Variants in CSMD1 observed in about 807,000 individuals in gnomAD.
CSMD1 encodes CUB and sushi domain-containing protein 1.
Under a neutral mutation model 417.5 loss-of-function variants are expected in CSMD1, and 213 were observed. The observed-to-expected ratio is 0.51, with a 90% CI of 0.46 to 0.57. CSMD1 has a LOEUF of 0.57. Ranked by LOEUF, CSMD1 falls within the 20% of genes least tolerant of loss-of-function variation. The probability of loss-of-function intolerance (pLI) is 0.00; values close to 1 mark genes in which losing one functional copy is unlikely to be tolerated. For synonymous variants in CSMD1, 2,862 were observed against 1,736.8 expected (o/e 1.65, Z -16.11); for missense variants, 6,923 against 4,529.7 (o/e 1.53, Z -15.17).
chr8:4,539,308 T>G (rs1216583149), intron 2 of CSMD1, among the ~76,000 whole-genome samples: 1 of 152,206 alleles, frequency 6.6e-6, no homozygotes, highest in African/African-American at 2.4e-5. Flanking sequence ...AAAATATATC[T>G]TTTAAGACAT....
chr8:4,552,952 CTCTT>C (rs1797936454), intron 2 of CSMD1, among the ~76,000 whole-genome samples: 1 of 152,180 alleles, frequency 6.6e-6, no homozygotes, highest in Admixed American at 6.5e-5. Flanking sequence ...TCCCTCCCGT[CTCTT>C]TCTGCTCTCT....
At chr8:4,833,453 G>A (rs769273734) in intron 1 of CSMD1, among the ~76,000 whole-genome samples, 57 of 152,144 alleles carry the variant, frequency 3.7e-4, no homozygotes, top group Non-Finnish European at 7.2e-4. Context: ...CCTCTCACTA[G>A]GACCCTACCT....
At chr8:4,363,101 C>G (rs1448720329) in intron 3 of CSMD1, among the ~76,000 whole-genome samples, 3 of 152,042 alleles carry the variant, frequency 2.0e-5, no homozygotes, top group African/African-American at 7.2e-5. Flanking sequence ...ATCATAATAT[C>G]AGAGACTTCA....
intron 31 of CSMD1, among the ~76,000 whole-genome samples, chr8:3,205,229 G>C (rs1229920319): frequency 6.6e-6 from 1 of 152,202 alleles, no homozygotes; most frequent in African/African-American, 2.4e-5. Flanking sequence ...AAAGAACTAT[G>C]TTTGGGAAAC....
chr8:4,584,454 G>A (rs1030614875), intron 2 of CSMD1, among the ~76,000 whole-genome samples: 3 of 152,088 alleles, frequency 2.0e-5, no homozygotes, highest in Non-Finnish European at 4.4e-5. Flanking sequence ...AAAGCGACTA[G>A]CGTGGCCGCC....
intron 12 of CSMD1, among the ~76,000 whole-genome samples, chr8:3,439,211 C>G (rs1327332308): frequency 7.7e-6 from 1 of 130,534 alleles, no homozygotes; most frequent in East Asian, 2.2e-4. Context: ...TGTGGCTGTA[C>G]CATTACACAT....
chr8:4,070,342 T>C (rs938326369), intron 3 of CSMD1, among the ~76,000 whole-genome samples: 23 of 152,162 alleles, frequency 1.5e-4, no homozygotes, highest in South Asian at 8.3e-4. Context: ...TGTCTTCTTA[T>C]ATTAACCAAA....
At chr8:4,240,664 A>T (rs1348513910) in intron 3 of CSMD1, among the ~76,000 whole-genome samples, 1 of 151,886 alleles carries the variant, frequency 6.6e-6, no homozygotes, top group Non-Finnish European at 1.5e-5. Context: ...CCCCTTATAC[A>T]CTCCTGGCTC....
intron 3 of CSMD1, among the ~76,000 whole-genome samples, chr8:4,058,388 T>G: frequency 6.6e-6 from 1 of 152,152 alleles, no homozygotes; most frequent in East Asian, 1.9e-4. Context: ...TGATTTTGTA[T>G]CCTCAGACTT....
intron 4 of CSMD1, among the ~76,000 whole-genome samples, chr8:4,006,825 T>TC (rs1355450501): frequency 8.8e-5 from 12 of 136,670 alleles, no homozygotes; most frequent in African/African-American, 3.4e-4. Flanking sequence ...CTTTTCCTAT[T>TC]TTTTTTTTTT....
At chr8:3,142,395 T>C in intron 41 of CSMD1, 70 bp downstream of exon 41, 2 of 1,311,146 alleles carry the variant, frequency 1.5e-6, no homozygotes, top group Non-Finnish European at 2.2e-6. Flanking sequence ...GGGAGATTTA[T>C]ACTTAAATAC....
intron 7 of CSMD1, among the ~76,000 whole-genome samples, chr8:3,645,530 G>A (rs941270756): frequency 6.6e-6 from 1 of 152,200 alleles, no homozygotes; most frequent in Non-Finnish European, 1.5e-5. Context: ...TGTGTGGTCA[G>A]AGGTGAAGCT....
chr8:3,768,733 A>C (rs1041081479), intron 5 of CSMD1, among the ~76,000 whole-genome samples: 23 of 152,210 alleles, frequency 1.5e-4, no homozygotes, highest in African/African-American at 5.5e-4. Flanking sequence ...TAACACGCAA[A>C]CCAAACGGAT....
At chr8:4,540,257 G>C (rs2130509907) in intron 2 of CSMD1, among the ~76,000 whole-genome samples, 1 of 152,272 alleles carries the variant, frequency 6.6e-6, no homozygotes, top group African/African-American at 2.4e-5. Context: ...CCAGCAAGAA[G>C]TAAAATAAGG....
chr8:4,523,198 T>C (rs1803569124), intron 2 of CSMD1, among the ~76,000 whole-genome samples: 1 of 152,214 alleles, frequency 6.6e-6, no homozygotes, highest in African/African-American at 2.4e-5. Context: ...AGGTCCTTAA[T>C]ACTTGACATG....
chr8:3,972,188 T>G (rs1813136652), intron 5 of CSMD1, among the ~76,000 whole-genome samples: 1 of 152,076 alleles, frequency 6.6e-6, no homozygotes, highest in Non-Finnish European at 1.5e-5. Flanking sequence ...ACCATAGATG[T>G]GATTTCCTAT....
intron 1 of CSMD1, among the ~76,000 whole-genome samples, chr8:4,908,884 C>G (rs187028801): frequency 4.6e-5 from 7 of 152,196 alleles, no homozygotes; most frequent in African/African-American, 1.7e-4. Context: ...TTCTAAATTC[C>G]CTGACTGGCA....
intron 2 of CSMD1, among the ~76,000 whole-genome samples, chr8:4,432,885 C>A (rs548594276): frequency 2.0e-5 from 3 of 152,180 alleles, no homozygotes; most frequent in Non-Finnish European, 4.4e-5. Flanking sequence ...ATGTGGCTGC[C>A]CATCAAGGGG....
chr8:3,702,258 T>A (rs1352696684), intron 7 of CSMD1: 1 of 152,240 alleles, frequency 6.6e-6, no homozygotes, highest in Non-Finnish European at 1.5e-5. Flanking sequence ...ACACAGCATG[T>A]CCCATCAGCT....
Sources: allele counts gnomAD v4.1 joint callset (sites outside exome capture counted in the v4.1 genomes callset), GRCh38; gene constraint gnomAD v4.1.1; transcripts MANE v1.5; gene names NCBI Gene and HGNC (gene_info 2026-07-23, HGNC 2026-07-21).